GRIP1: variants seen among roughly 807,000 people sequenced by gnomAD.
GRIP1 encodes glutamate receptor interacting protein 1.
In GRIP1, 45 loss-of-function variants were observed where a neutral mutation model predicts 129.9. The ratio of observed to expected loss-of-function variants is 0.35; its 90% CI spans 0.27 to 0.44. The LOEUF is 0.44. Ranked by LOEUF, GRIP1 falls within the 20% of genes least tolerant of loss-of-function variation. The pLI, the probability that GRIP1 is intolerant of heterozygous loss-of-function variation, is 1.00. For synonymous variants in GRIP1, 530 were observed against 520.8 expected, an observed-to-expected ratio of 1.02 and a Z score of -0.24; for missense variants, 1,196 against 1,396.8, an observed-to-expected ratio of 0.86 and a Z score of 2.29.
rs957259884 is a variant in GRIP1, at chr12:66,444,474, C to T, written c.1687+110G>A. 5.6e-6 allele frequency: 5 copies of T among 885,492 alleles called. No homozygotes were observed. In the African/African-American group the frequency reaches 1.1e-4, roughly 20 times the overall value. The allele number at this position is 885,492 out of a possible 1,614,324, so 54.9% of individuals were successfully genotyped here. On this transcript the variant is annotated intron_variant, in intron 13 of 24. Transcript: ENST00000359742. ...GCAGTCCGCAGTCCAGCCTGGGCGA[C>T]AGAGCGAGACTCCGTCTCAAAAAAA...
At chr12:66,766,299 G>A (rs966059660) in intron 1 of GRIP1, among the ~76,000 whole-genome samples, 3 of 152,142 alleles carry the variant, frequency 2.0e-5, no homozygotes, top group Non-Finnish European at 4.4e-5. Flanking sequence ...CTCCATTCTA[G>A]GGGCTCCCCT....
intron 1 of GRIP1, among the ~76,000 whole-genome samples, chr12:66,879,137 A>C (rs2040430798): frequency 6.6e-6 from 1 of 152,030 alleles, no homozygotes; most frequent in African/African-American, 2.4e-5. Flanking sequence ...AAAGTGAAAA[A>C]GGTAATATAG....
chr12:66,551,571 C>CTTTTT (rs10719369), intron 2 of GRIP1, among the ~76,000 whole-genome samples: 3 of 114,456 alleles, frequency 2.6e-5, no homozygotes, highest in East Asian at 2.6e-4. Context: ...GGCTAGAATC[C>CTTTTT]TTTTTTTTTT....
At chr12:66,426,046 T>C (rs996257606) in intron 14 of GRIP1, among the ~76,000 whole-genome samples, 1 of 152,136 alleles carries the variant, frequency 6.6e-6, no homozygotes, top group African/African-American at 2.4e-5. Flanking sequence ...TTCTAACACA[T>C]TGTATGACAC....
At chr12:66,689,437 C>T (rs2034899251) in intron 1 of GRIP1, among the ~76,000 whole-genome samples, 1 of 152,288 alleles carries the variant, frequency 6.6e-6, no homozygotes, top group South Asian at 2.1e-4. Flanking sequence ...ACATGGCTAG[C>T]ACTCACTTAC....
In GRIP1 at chr12:66,588,988, T is replaced by TTAAATAAATAAA. The variant is rs71069012; in HGVS notation, c.136+7847_136+7858dup. ...TGTCCCCCTCCTACAAAAAAAAAAA[T>TTAAATAAATAAA]TAAATAAATAAATAAATAAATAAAT... On this transcript the variant is annotated intron_variant, in intron 2 of 24. Coordinates refer to ENST00000359742, the MANE Select transcript of GRIP1 (RefSeq NM_001366722.1). 1.8e-3 allele frequency among the ~76,000 whole-genome samples: 262 copies of TTAAATAAATAAA among 145,844 alleles called. 1 individual carries two copies. The highest frequency in any genetic ancestry group is 7.0e-3 in the Middle Eastern group (2 of 284).
At chr12:66,374,565 T>C (rs1565677026) in intron 22 of GRIP1, among the ~76,000 whole-genome samples, 1 of 152,222 alleles carries the variant, frequency 6.6e-6, no homozygotes, top group Non-Finnish European at 1.5e-5. Flanking sequence ...CATTTATTAT[T>C]TTTACCTACT....
chr12:66,650,503 G>A (rs531811474), intron 1 of GRIP1, among the ~76,000 whole-genome samples: 1 of 152,312 alleles, frequency 6.6e-6, no homozygotes, highest in South Asian at 2.1e-4. Context: ...TAGTCAGTAA[G>A]ATGAGTTGCA....
intron 16 of GRIP1, among the ~76,000 whole-genome samples, chr12:66,401,266 G>A (rs542267474): frequency 1.3e-5 from 2 of 152,006 alleles, no homozygotes; most frequent in Non-Finnish European, 2.9e-5. Context: ...AAACTTATTG[G>A]TGAGTTATTA....
intron 1 of GRIP1, among the ~76,000 whole-genome samples, chr12:66,865,677 T>C (rs1211869725): frequency 6.6e-6 from 1 of 151,842 alleles, no homozygotes; most frequent in African/African-American, 2.4e-5. Flanking sequence ...ATTCTCATTA[T>C]CTCCCCCTCA....
chr12:66,812,417 GA>G (rs1319497266), intron 1 of GRIP1, among the ~76,000 whole-genome samples: 1 of 152,238 alleles, frequency 6.6e-6, no homozygotes, highest in Admixed American at 6.5e-5. Flanking sequence ...TTATAGGTGT[GA>G]GCCACTGTGC....
At chr12:66,781,614 A>G (rs2038163250) in intron 1 of GRIP1, among the ~76,000 whole-genome samples, 1 of 152,186 alleles carries the variant, frequency 6.6e-6, no homozygotes, top group Admixed American at 6.6e-5. Flanking sequence ...CCTAGGACAA[A>G]TTGAAAATGA....
At chr12:66,962,408 G>A (rs1270443246) in intron 1 of GRIP1, among the ~76,000 whole-genome samples, 1 of 152,120 alleles carries the variant, frequency 6.6e-6, no homozygotes. Flanking sequence ...AGTAAGTGGG[G>A]AGTCTTTTAC....
intron 1 of GRIP1, among the ~76,000 whole-genome samples, chr12:67,022,664 A>T (rs899200544): frequency 2.0e-5 from 3 of 152,200 alleles, no homozygotes; most frequent in African/African-American, 7.2e-5. Context: ...TTGTGAGTTT[A>T]ACCTGCATTT....
At chr12:66,575,093 T>A (rs935392362) in intron 2 of GRIP1, among the ~76,000 whole-genome samples, 5 of 152,170 alleles carry the variant, frequency 3.3e-5, no homozygotes, top group Non-Finnish European at 7.3e-5. Flanking sequence ...TTTTCAACAG[T>A]GAATCAGAGT....
At position 66,980,575 on chromosome 12, in the gene GRIP1, C is replaced by A. The variant is rs189149902; in HGVS notation, c.58+88475G>T. Among the ~76,000 whole-genome samples the A allele has an allele frequency of 2.0e-5, 3 of 152,312 alleles. No individual in the cohort carries two copies. The East Asian group carries it at 5.8e-4, about 29-fold the overall frequency. ...GCAGTGAGCCAAGGTCACACCACTG[C>A]ACTTCAGCCTGGCAACAGAGCGAGA... On this transcript the variant is annotated intron_variant, in intron 1 of 1. Coordinates refer to the GRIP1 transcript ENST00000643019.
chr12:66,567,410 T>G (rs961293464), intron 2 of GRIP1, among the ~76,000 whole-genome samples: 21 of 152,292 alleles, frequency 1.4e-4, no homozygotes, highest in African/African-American at 1.9e-4. Flanking sequence ...ACTGACCACA[T>G]AGTTGGAAGT....
chr12:66,459,280 G>T (rs2059063832), intron 9 of GRIP1, among the ~76,000 whole-genome samples: 1 of 152,318 alleles, frequency 6.6e-6, no homozygotes, highest in African/African-American at 2.4e-5. Context: ...TGCAGGAGAT[G>T]TCCCTAATGG....
At chr12:66,594,740 C>G (rs1307322509) in intron 2 of GRIP1, among the ~76,000 whole-genome samples, 1 of 152,192 alleles carries the variant, frequency 6.6e-6, no homozygotes, top group African/African-American at 2.4e-5. Context: ...GCATTTTTCT[C>G]TCTCTCATGG....
Sources: allele counts gnomAD v4.1 joint callset (sites outside exome capture counted in the v4.1 genomes callset), GRCh38; gene constraint gnomAD v4.1.1; transcripts MANE v1.5; gene names NCBI Gene and HGNC (gene_info 2026-07-23, HGNC 2026-07-21).